The following HSPA4L variants were observed in gnomAD, a reference collection of about 807,000 sequenced individuals.
HSPA4L encodes the protein heat shock 70 kDa protein 4L.
HSPA4L carries 48 observed loss-of-function variants against 100.3 expected under a neutral mutation model. That is an observed-to-expected ratio of 0.48 (90% CI 0.38 to 0.61). HSPA4L has a LOEUF of 0.61. Among genes scored for constraint, HSPA4L ranks in the 20% least tolerant of loss-of-function variants. The pLI is 0.00. For synonymous variants in HSPA4L, 319 were observed against 328.2 expected, an observed-to-expected ratio of 0.97 and a Z score of 0.30; for missense variants, 886 against 988.6, an observed-to-expected ratio of 0.90 and a Z score of 1.39.
chr4:127,815,621 C>T (rs1306397932), intron 12 of HSPA4L, among the ~76,000 whole-genome samples: 1 of 151,784 alleles, frequency 6.6e-6, no homozygotes, highest in African/African-American at 2.4e-5. Flanking sequence ...GGTTCTTTAT[C>T]TTTTTATTTA....
Position 127,803,680 on chromosome 4 carries a change from G to A in HSPA4L, c.715G>A (p.Ala239Thr), listed in dbSNP as rs778660091. The A allele has an allele frequency of 2.2e-5, 35 of 1,613,578 alleles. 1 individual carries two copies. The South Asian group carries it at 3.7e-4, about 17-fold the overall frequency. ...TTTGGGTGGCAGGAACTTTGATGAG[G>A]CTTTAGTAGACTACTTCTGTGATGA... ...PYLGGRNFDE[A>T]LVDYFCDEFK... is the part of the protein sequence containing the mutation. Residue 239 changes from alanine to threonine, a missense_variant, in exon 7 of 19, where the codon GCT becomes ACT. Transcript: ENST00000296464.
chr4:127,809,511 A>T (rs1282786080), intron 11 of HSPA4L: 13 of 898,842 alleles, frequency 1.4e-5, no homozygotes, highest in African/African-American at 4.9e-5. Flanking sequence ...AGACTTTGTA[A>T]TATCAAATGC....
chr4:127,798,574 C>A lies in HSPA4L; in HGVS notation c.307-13C>A, dbSNP rs893420485. On this transcript the variant is annotated splice_polypyrimidine_tract_variant and intron_variant, in intron 3 of 18. Transcript: ENST00000296464. ...AAATGACTCTTAATAAATATCCCAA[C>A]TTTTGGTGTTAGGTGCGGTACTTAG... 7 of 1,611,884 alleles carry A rather than the reference C, an allele frequency of 4.3e-6. No homozygotes were observed. The highest frequency in any genetic ancestry group is 2.7e-5 in the African/African-American group (2 of 74,810).
Position 127,836,893 on chromosome 4 carries a change from T to TTAAG in HSPA4L, c.*4021_*4024dup, listed in dbSNP as rs1207978229. On this transcript the variant is annotated 3_prime_UTR_variant, in exon 19 of 19. Coordinates refer to ENST00000296464, the MANE Select transcript of HSPA4L (RefSeq NM_014278.4). ...CAAATTATAGATTTAGAAATGATTC[T>TTAAG]TAAGTTATTGGTAAAATATAACTTT... is the stretch of plus-strand genomic sequence containing the variant. The TTAAG allele has an allele frequency of 6.6e-6, 1 of 152,204 alleles. No individual in the cohort carries two copies. The highest frequency in any genetic ancestry group is 1.5e-5 in the Non-Finnish European group (1 of 68,034). The allele number at this position is 152,204 out of a possible 1,614,324, so 9.4% of individuals were successfully genotyped here. A position where few individuals can be genotyped will look rare whatever the true frequency, so the allele number is the denominator to read the frequency against.
intron 11 of HSPA4L, among the ~76,000 whole-genome samples, chr4:127,810,303 T>G (rs1260097047): frequency 6.6e-6 from 1 of 152,200 alleles, no homozygotes; most frequent in Non-Finnish European, 1.5e-5. Flanking sequence ...GCACAAATAT[T>G]ATAAATATTT....
intron 1 of HSPA4L, chr4:127,783,463 A>T: frequency 1.4e-6 from 2 of 1,414,864 alleles, no homozygotes; most frequent in Non-Finnish European, 1.8e-6. Flanking sequence ...TGATTCTATT[A>T]TGAACGCTTA....
At chr4:127,818,303 C>T (rs924961438) in intron 12 of HSPA4L, 22 bp from the exon 13 acceptor site, 3 of 1,520,378 alleles carry the variant, frequency 2.0e-6, no homozygotes, top group Non-Finnish European at 2.7e-6. Flanking sequence ...CGTATATTAT[C>T]AATTATGTAT....
At chr4:127,788,167 AC>A (rs1252259970) in intron 1 of HSPA4L, among the ~76,000 whole-genome samples, 7 of 152,200 alleles carry the variant, frequency 4.6e-5, no homozygotes, top group African/African-American at 1.7e-4. Flanking sequence ...AATATTGTCT[AC>A]CTATGTAAAT....
intron 14 of HSPA4L, among the ~76,000 whole-genome samples, chr4:127,822,126 T>G (rs1375371969): frequency 6.6e-6 from 1 of 152,192 alleles, no homozygotes; most frequent in Non-Finnish European, 1.5e-5. Flanking sequence ...CCACTGTCTA[T>G]TTTCAAAACA....
chr4:127,816,682 C>T (rs895205900), intron 12 of HSPA4L, among the ~76,000 whole-genome samples: 1 of 152,142 alleles, frequency 6.6e-6, no homozygotes, highest in African/African-American at 2.4e-5. Flanking sequence ...TATATTAGAG[C>T]AACTTTTAAA....
chr4:127,789,419 G>A (rs902966790), intron 1 of HSPA4L, among the ~76,000 whole-genome samples: 4 of 152,266 alleles, frequency 2.6e-5, no homozygotes, highest in Non-Finnish European at 5.9e-5. Flanking sequence ...GGCTGAGGCG[G>A]GCAGATCACA....
Position 127,832,879 on chromosome 4 carries a change from T to C in HSPA4L, c.*5T>C. The C allele has an allele frequency of 6.3e-7, 1 of 1,586,872 alleles. No individual in the cohort carries two copies. Among genetic ancestry groups the C allele is most frequent in the South Asian group, 1.2e-5 (1 of 85,702 alleles). ...GGAGAGATGGAAGTGGACTAAGTCTTAATTTTACCTTCACATTAATTCAAA... is the reference window on the plus strand; with the variant it reads ...GGAGAGATGGAAGTGGACTAAGTCTCAATTTTACCTTCACATTAATTCAAA... On this transcript the variant is annotated 3_prime_UTR_variant, in exon 19 of 19. Coordinates refer to ENST00000296464, the MANE Select transcript of HSPA4L (RefSeq NM_014278.4).
rs978431805 is a variant in HSPA4L at position 127,782,326 on chromosome 4, G to C, written c.-225G>C. 1.9e-6 allele frequency: 1 copy of C among 534,652 alleles called. No homozygotes were observed. The highest frequency in any genetic ancestry group is 3.3e-6 in the Non-Finnish European group (1 of 299,226). The allele number at this position is 534,652 out of a possible 1,614,324, so 33.1% of individuals were successfully genotyped here. A position where few individuals can be genotyped will look rare whatever the true frequency, so the allele number is the denominator to read the frequency against. On this transcript the variant is annotated 5_prime_UTR_variant, in exon 1 of 19. Transcript: ENST00000296464. ...GGTTGGAGGCGGCCGAACCGCAGTA[G>C]GGAAAGACCCAGGCTGCGGGACGCG...
chr4:127,822,425 G>A (rs1209605729), intron 14 of HSPA4L, among the ~76,000 whole-genome samples: 1 of 152,046 alleles, frequency 6.6e-6, no homozygotes, highest in African/African-American at 2.4e-5. Flanking sequence ...GCACATTTGG[G>A]TTGTTTCTAC....
At chr4:127,790,857 G>A (rs1426763908) in intron 1 of HSPA4L, among the ~76,000 whole-genome samples, 1 of 152,184 alleles carries the variant, frequency 6.6e-6, no homozygotes, top group East Asian at 1.9e-4. Flanking sequence ...AGGTACAGTG[G>A]CTGACACCTG....
In HSPA4L at chr4:127,832,676, T is replaced by C; in HGVS notation, c.2329-7T>C. On this transcript the variant is annotated splice_polypyrimidine_tract_variant and splice_region_variant and intron_variant, in intron 18 of 18. Transcript: ENST00000296464. ...TTTTAATATAATCAATTTCTTCATG[T>C]CTTTAGGAACTGGATAATTTCTGTA... is the stretch of plus-strand genomic sequence containing the variant. The C allele has an allele frequency of 2.5e-6, 4 of 1,575,264 alleles. No individual in the cohort carries two copies. The highest frequency in any genetic ancestry group is 1.9e-5 in the Admixed American group (1 of 53,714).
rs1436785563 is a variant in HSPA4L at position 127,798,718 on chromosome 4, T to A, written c.429+9T>A. On this transcript the variant is annotated intron_variant, in intron 4 of 18. Transcript: ENST00000296464. ...CTGACTGTGTGATTTCAGTAAGTTT[T>A]ACTTCAGTAATGAATACCCTTGAAT... 1 of 1,612,768 alleles carries A rather than the reference T, an allele frequency of 6.2e-7. No homozygotes were observed. Among genetic ancestry groups the A allele is most frequent in the East Asian group, 2.2e-5 (1 of 44,798 alleles).
At chr4:127,812,690 G>A (rs1578710311) in intron 12 of HSPA4L, 1 of 773,268 alleles carries the variant, frequency 1.3e-6, no homozygotes, top group Non-Finnish European at 2.2e-6. Flanking sequence ...TAGCCCAGAG[G>A]TCCTTTATTT....
chr4:127,832,739 TC>T lies in HSPA4L; in HGVS notation c.2387del (p.Pro796LeufsTer47). The T allele has an allele frequency of 6.2e-7, 1 of 1,613,220 alleles. No homozygotes were observed. Among genetic ancestry groups the T allele is most frequent in the Non-Finnish European group, 8.5e-7 (1 of 1,179,546 alleles). Reference sequence around the variant, plus strand: ...ACAAGCCCAAACCAAAAGCAGAAGTTCCTGAAGACAAACCAAAAGCTAATAG... The same window carrying T: ...ACAAGCCCAAACCAAAAGCAGAAGTTCTGAAGACAAACCAAAAGCTAATAG... ...IYKPKPKAEV[P>X]EDKPKANSEH... On this transcript the variant is annotated frameshift_variant, in exon 19 of 19. Coordinates refer to ENST00000296464, the MANE Select transcript of HSPA4L (RefSeq NM_014278.4). LOFTEE classifies it high-confidence loss of function.
Sources: allele counts gnomAD v4.1 joint callset (sites outside exome capture counted in the v4.1 genomes callset), GRCh38; gene constraint gnomAD v4.1.1; transcripts MANE v1.5; gene names NCBI Gene and HGNC (gene_info 2026-07-23, HGNC 2026-07-21).